The following FER variants were observed in gnomAD, a reference collection of about 807,000 sequenced individuals.
The protein encoded by FER is FER tyrosine kinase.
FER carries 63 observed loss-of-function variants against 111.0 expected under a neutral mutation model. The observed-to-expected ratio is 0.57, with a 90% CI of 0.46 to 0.70. The LOEUF (loss-of-function observed/expected upper bound fraction) is 0.70, where lower values mean the gene tolerates loss of function less well. FER is among the 30% of genes least tolerant of loss of function. The probability of loss-of-function intolerance (pLI) is 0.00; values close to 1 mark genes in which losing one functional copy is unlikely to be tolerated. For synonymous variants in FER, 327 were observed against 313.9 expected (o/e 1.04, Z -0.44); for missense variants, 914 against 954.0 (o/e 0.96, Z 0.55).
intron 8 of FER, among the ~76,000 whole-genome samples, chr5:108,882,419 A>T (rs1457968409): frequency 6.6e-6 from 1 of 152,040 alleles, no homozygotes; most frequent in Non-Finnish European, 1.5e-5. Context: ...TTGATCATTT[A>T]ATTTTTTCAT....
At chr5:109,143,119 C>T (rs1192279301) in intron 17 of FER, among the ~76,000 whole-genome samples, 1 of 152,066 alleles carries the variant, frequency 6.6e-6, no homozygotes, top group African/African-American at 2.4e-5. Flanking sequence ...AGTTCAGGGT[C>T]AGTGAAAAAT....
At chr5:109,164,498 A>G (rs887753240) in intron 17 of FER, among the ~76,000 whole-genome samples, 1 of 152,106 alleles carries the variant, frequency 6.6e-6, no homozygotes, top group African/African-American at 2.4e-5. Context: ...TACATGTTTT[A>G]TACATTGCTC....
chr5:108,871,953 T>C, intron 7 of FER, 140 bp from the exon 8 acceptor site: 1 of 826,484 alleles, frequency 1.2e-6, no homozygotes, highest in Non-Finnish European at 1.8e-6. Flanking sequence ...AAACCCAGGA[T>C]TTAGTTTGAT....
chr5:109,080,054 TGG>T (rs1776812723), intron 16 of FER, among the ~76,000 whole-genome samples: 2 of 151,790 alleles, frequency 1.3e-5, no homozygotes, highest in South Asian at 4.2e-4. Context: ...TTTCCTCCCA[TGG>T]TTAAATGAAT....
intron 5 of FER, among the ~76,000 whole-genome samples, chr5:108,849,457 G>GTTA (rs1762336896): frequency 1.4e-5 from 2 of 144,864 alleles, no homozygotes; most frequent in African/African-American, 5.2e-5. Context: ...TGGTGGTTTT[G>GTTA]TTGTTGTTGT....
At chr5:108,815,527 G>A (rs934899500) in intron 3 of FER, among the ~76,000 whole-genome samples, 2 of 152,002 alleles carry the variant, frequency 1.3e-5, no homozygotes, top group Non-Finnish European at 2.9e-5. Context: ...ATGTTTAACA[G>A]CTATTGTATT....
At chr5:109,072,321 A>G (rs548633434) in intron 16 of FER, among the ~76,000 whole-genome samples, 7 of 151,360 alleles carry the variant, frequency 4.6e-5, no homozygotes, top group African/African-American at 1.7e-4. Context: ...TATCTAATGT[A>G]TTAGGTTGGT....
At position 108,777,635 on chromosome 5, in the gene FER, T is replaced by A. The variant is rs117786367; in HGVS notation, c.-60+9397T>A. On this transcript the variant is annotated intron_variant, in intron 2 of 19. Coordinates refer to ENST00000281092, the MANE Select transcript of FER (RefSeq NM_005246.4). Reference sequence around the variant, plus strand: ...GCAACCACTGATCTTTTTACTGTTGTATGAGTCCATTTTCACACTGCTGAT... The same window carrying A: ...GCAACCACTGATCTTTTTACTGTTGAATGAGTCCATTTTCACACTGCTGAT... Among the ~76,000 whole-genome samples, 458 of 152,326 alleles carry A rather than the reference T, an allele frequency of 3.0e-3. 7 individuals are homozygous for A. The East Asian group carries it at 0.045, about 15-fold the overall frequency.
chr5:109,046,864 A>C (rs1772060360), intron 15 of FER, among the ~76,000 whole-genome samples: 1 of 152,126 alleles, frequency 6.6e-6, no homozygotes, highest in African/African-American at 2.4e-5. Context: ...TTTGTGTAAG[A>C]GACTTTAACA....
At chr5:108,781,789 A>G (rs909749097) in intron 2 of FER, among the ~76,000 whole-genome samples, 1 of 152,156 alleles carries the variant, frequency 6.6e-6, no homozygotes, top group African/African-American at 2.4e-5. Context: ...TAAGTTAGTT[A>G]GACTCTGATA....
At chr5:109,148,412 TG>T (rs1210687048) in intron 17 of FER, among the ~76,000 whole-genome samples, 1 of 152,112 alleles carries the variant, frequency 6.6e-6, no homozygotes, top group African/African-American at 2.4e-5. Flanking sequence ...GAAACAAAGA[TG>T]CTTTTTAAAA....
chr5:109,076,204 C>G (rs745546928), intron 16 of FER, among the ~76,000 whole-genome samples: 2 of 151,846 alleles, frequency 1.3e-5, no homozygotes, highest in African/African-American at 2.4e-5. Flanking sequence ...AATTTAGAAC[C>G]AAGACATTCA....
intron 16 of FER, chr5:109,051,533 A>G (rs1772824810): frequency 6.2e-7 from 1 of 1,611,794 alleles, no homozygotes; most frequent in East Asian, 2.2e-5. Context: ...TAATTAGCCC[A>G]GTTTTGCTCA....
chr5:108,843,105 A>G (rs954426412), intron 5 of FER: 3 of 152,216 alleles, frequency 2.0e-5, no homozygotes, highest in African/African-American at 4.8e-5. Context: ...AGTCCACTGT[A>G]TTATTCTTAT....
At chr5:109,059,526 C>CA (rs756674260) in intron 16 of FER, among the ~76,000 whole-genome samples, 22 of 152,076 alleles carry the variant, frequency 1.4e-4, no homozygotes, top group Non-Finnish European at 2.9e-4. Context: ...GACTCCATCT[C>CA]AAAAAAACCC....
chr5:108,959,149 A>T, intron 12 of FER, 76 bp from the exon 13 acceptor site: 1 of 1,472,980 alleles, frequency 6.8e-7, no homozygotes, highest in South Asian at 1.3e-5. Context: ...TAAGAAAGGA[A>T]TCTAATTTAT....
In FER at chr5:108,832,796, A is replaced by G. The variant is rs150212580; in HGVS notation, c.234A>G (p.Thr78=). The change falls in exon 4 of 20, where the codon ACA becomes ACG. Residue 78 remains threonine, a synonymous_variant. Transcript: ENST00000281092. ...SKSWLLMIQQ[T]EQLSRIMKTH... is the part of the protein sequence containing the mutation. ...CTTGGCTACTTATGATTCAGCAGAC[A>G]GAACAACTTAGTAGGATAATGAAGA... is the stretch of plus-strand genomic sequence containing the variant. 6.9e-5 allele frequency: 107 copies of G among 1,542,438 alleles called. No homozygotes were observed. In the African/African-American group the frequency reaches 1.2e-3, roughly 17 times the overall value.
intron 5 of FER, among the ~76,000 whole-genome samples, chr5:108,854,762 G>A (rs1471608010): frequency 6.6e-6 from 1 of 151,934 alleles, no homozygotes; most frequent in Admixed American, 6.6e-5. Context: ...GGCCATCATG[G>A]TGAAACCGTG....
In FER at chr5:108,875,708, A is replaced by G. The variant is rs62360785; in HGVS notation, c.923+3496A>G. ...AAATGGAGTTTTGAATCAACACATC[A>G]GTAGGCTAAGTATGACAAATTAAAG... is the stretch of plus-strand genomic sequence containing the variant. On this transcript the variant is annotated intron_variant, in intron 8 of 19. Coordinates refer to ENST00000281092, the MANE Select transcript of FER (RefSeq NM_005246.4). Among the ~76,000 whole-genome samples the G allele has an allele frequency of 6.1e-3, 930 of 152,288 alleles. 2 individuals carry two copies. The highest frequency in any genetic ancestry group is 0.024 in the Middle Eastern group (7 of 294).
Sources: gnomAD v4.1 joint callset for allele counts (sites outside exome capture counted in the v4.1 genomes callset) on GRCh38, gnomAD v4.1.1 for gene constraint, MANE v1.5 for transcripts, NCBI Gene and HGNC (gene_info 2026-07-23, HGNC 2026-07-21) for gene names.